Variants in ARHGAP45 observed in about 807,000 individuals in gnomAD.
The protein encoded by ARHGAP45 is rho GTPase-activating protein 45.
Under a neutral mutation model 116.1 loss-of-function variants are expected in ARHGAP45, and 56 were observed. The observed-to-expected ratio is 0.48, with a 90% CI of 0.39 to 0.60. The LOEUF (loss-of-function observed/expected upper bound fraction) is 0.60. Among genes scored for constraint, ARHGAP45 ranks in the 20% least tolerant of loss-of-function variants. The pLI, the probability that ARHGAP45 is intolerant of heterozygous loss-of-function variation, is 0.00. For missense variants in ARHGAP45, 1,622 were observed against 1,601.0 expected, an observed-to-expected ratio of 1.01 and a Z score of -0.22; for synonymous variants, 866 against 701.7, an observed-to-expected ratio of 1.23 and a Z score of -3.70.
intron 22 of ARHGAP45, among the ~76,000 whole-genome samples, chr19:1,085,247 T>C (rs569990058): frequency 6.6e-6 from 1 of 152,136 alleles, no homozygotes; most frequent in Admixed American, 6.5e-5. Context: ...GTCCGGAAAC[T>C]CCAGTTTTTA....
At chr19:1,082,595 C>G (rs1406412028) in intron 19 of ARHGAP45, 1 of 518,188 alleles carries the variant, frequency 1.9e-6, no homozygotes, top group Non-Finnish European at 3.4e-6. Flanking sequence ...CGTTAGGGTA[C>G]CTGCAGGGCG....
intron 17 of ARHGAP45, 21 bp from the exon 18 acceptor site, chr19:1,081,525 GCTCA>G: frequency 6.9e-7 from 1 of 1,449,334 alleles, no homozygotes. Flanking sequence ...CCGGGGCTGG[GCTCA>G]CTCACTCTGG....
chr19:1,084,223 G>A lies in ARHGAP45; in HGVS notation c.2956-15G>A, dbSNP rs201290619. The stretch of plus-strand genomic sequence containing the variant: ...GAGCCCCGGCCCCTCTATGACTTCC[G>A]TTCTGCACTTGCAGGACGAGTCATC... On this transcript the variant is annotated splice_polypyrimidine_tract_variant and intron_variant, in intron 21 of 22. Coordinates refer to ENST00000313093, the MANE Select transcript of ARHGAP45 (RefSeq NM_012292.5). The A allele has an allele frequency of 3.7e-6, 6 of 1,611,578 alleles. No homozygotes were observed. The highest frequency in any genetic ancestry group is 1.1e-5 in the South Asian group (1 of 91,036).
intron 1 of ARHGAP45, among the ~76,000 whole-genome samples, chr19:1,067,915 G>C (rs1189380060): frequency 6.8e-6 from 1 of 146,764 alleles, no homozygotes; most frequent in Admixed American, 6.8e-5. Context: ...CAGGTTCAGA[G>C]GTTGGGGAGT....
In ARHGAP45 at chr19:1,067,357, C is replaced by G; in HGVS notation, c.-49C>G. On this transcript the variant is annotated 5_prime_UTR_variant, in exon 1 of 23. Transcript: ENST00000313093. The stretch of plus-strand genomic sequence containing the variant: ...AAGCGGCCAGCGCCGGGAGCTGCAG[C>G]GCTGAGACCCCCAGCCCGCCCCCTC... 6.6e-7 allele frequency: 1 copy of G among 1,508,986 alleles called. No individual in the cohort carries two copies. Among genetic ancestry groups the G allele is most frequent in the South Asian group, 1.3e-5 (1 of 78,474 alleles). The allele number at this position is 1,508,986 out of a possible 1,614,324, so 93.5% of individuals were successfully genotyped here. A position where few individuals can be genotyped will look rare whatever the true frequency, so the allele number is the denominator to read the frequency against.
intron 11 of ARHGAP45, among the ~76,000 whole-genome samples, chr19:1,078,520 C>T (rs2043332704): frequency 6.6e-6 from 1 of 151,250 alleles, no homozygotes; most frequent in Non-Finnish European, 1.5e-5. Flanking sequence ...GCAACCTCCG[C>T]CTCCCAGGTT....
In ARHGAP45 at chr19:1,080,930, G is replaced by T; in HGVS notation, c.2056G>T (p.Val686Leu). Residue 686 changes from valine to leucine, a missense_variant, in exon 17 of 23, where the codon GTG (valine) becomes TTG (leucine). Val to Leu is a conservative substitution (Grantham distance 32). Transcript: ENST00000313093. Reference protein sequence around the residue: ...NGMTPELPVAVPSGPFRHEGL... With the variant: ...NGMTPELPVALPSGPFRHEGL... Reference sequence around the variant, plus strand: ...CATGACCCCCGAGCTGCCGGTGGCCGTGCCCAGTGGACCGTTCCGCCACGA... The same window carrying T: ...CATGACCCCCGAGCTGCCGGTGGCCTTGCCCAGTGGACCGTTCCGCCACGA... 6.2e-7 allele frequency: 1 copy of T among 1,609,194 alleles called. No individual in the cohort carries two copies.
chr19:1,080,536 G>A lies in ARHGAP45; in HGVS notation c.1901G>A (p.Gly634Asp), dbSNP rs2043402416. ...GACTCGGACAGTGGGCTGGACCCCGGCCCTGGCGCAGGTGAGGGAGGCTCT... is the reference window on the plus strand; with the variant it reads ...GACTCGGACAGTGGGCTGGACCCCGACCCTGGCGCAGGTGAGGGAGGCTCT... ...ISDSDSGLDPGPGAGDFKKFE... is the reference protein window; with the variant it reads ...ISDSDSGLDPDPGAGDFKKFE... Residue 634 changes from glycine to aspartate, a missense_variant, in exon 15 of 23, where the codon GGC becomes GAC. Gly to Asp is a moderately conservative substitution (Grantham distance 94). Around this residue, in one of 3 missense-constraint regions of ARHGAP45, gnomAD observed 1,334 missense variants for 1,263.8 expected, o/e 1.06. Coordinates refer to ENST00000313093, the MANE Select transcript of ARHGAP45 (RefSeq NM_012292.5). 1.9e-6 allele frequency: 3 copies of A among 1,612,786 alleles called. No homozygotes were observed. Among genetic ancestry groups the A allele is most frequent in the Admixed American group, 3.3e-5 (2 of 59,974 alleles).
chr19:1,073,383 T>C, intron 3 of ARHGAP45, 91 bp downstream of exon 3: 2 of 1,580,196 alleles, frequency 1.3e-6, no homozygotes, highest in Non-Finnish European at 1.7e-6. Context: ...GAAGGATGCA[T>C]AGGAGTTTGA....
At chr19:1,081,114 G>T in intron 17 of ARHGAP45, 50 bp downstream of exon 17, 1 of 1,550,386 alleles carries the variant, frequency 6.5e-7, no homozygotes, top group Non-Finnish European at 8.7e-7. Context: ...GAGCCTTTGG[G>T]GTGCCCAGCA....
In ARHGAP45 at chr19:1,068,253, G is replaced by A. The variant is rs927079189; in HGVS notation, c.91-161G>A. On this transcript the variant is annotated intron_variant, in intron 1 of 22. Transcript: ENST00000313093. The surrounding 1 kb of genome is among the most constrained non-coding windows in gnomAD (Gnocchi z 7.5). ...AAGAGGATGTTGGGTAACAGGTGGG[G>A]GGGTACACTACCAAATCTCGGCCCT... 1 of 604,024 alleles carries A rather than the reference G, an allele frequency of 1.7e-6. No homozygotes were observed. 37.4% of individuals were successfully genotyped at this position (604,024 alleles called of 1,614,324 possible). A position where few individuals can be genotyped will look rare whatever the true frequency, so the allele number is the denominator to read the frequency against.
In ARHGAP45 at chr19:1,079,772, G is replaced by C; in HGVS notation, c.1444G>C (p.Asp482His). The C allele has an allele frequency of 6.2e-7, 1 of 1,612,140 alleles. No individual in the cohort carries two copies. Among genetic ancestry groups the C allele is most frequent in the Non-Finnish European group, 8.5e-7 (1 of 1,179,294 alleles). Reference protein sequence around the residue: ...DAKTQKQELEDTKVTALRQIQ... With the variant: ...DAKTQKQELEHTKVTALRQIQ... ...GAAGACGCAGAAGCAGGAGCTGGAG[G>C]ATACCAAGGTGACGGCGCTGCGGCA... The change falls in exon 12 of 23, where the codon GAT becomes CAT. Residue 482 changes from aspartate to histidine, a missense_variant. By Grantham distance (81) the Asp-to-His change is moderately conservative. Transcript: ENST00000313093.
intron 11 of ARHGAP45, 100 bp from the exon 12 acceptor site, chr19:1,079,603 C>G: frequency 6.8e-7 from 1 of 1,468,038 alleles, no homozygotes; most frequent in Non-Finnish European, 9.2e-7. Flanking sequence ...CCTCCCGAGG[C>G]GCTGGGATGA....
chr19:1,073,391 T>G, intron 3 of ARHGAP45, 99 bp downstream of exon 3: 1 of 1,575,636 alleles, frequency 6.3e-7, no homozygotes, highest in Non-Finnish European at 8.7e-7. Flanking sequence ...CATAGGAGTT[T>G]GACAGGCACA....
rs1196694897 is a variant in ARHGAP45 at position 1,067,385 on chromosome 19, G to C, written c.-21G>C. Reference sequence around the variant, plus strand: ...TGAGACCCCCAGCCCGCCCCCTCGGGCTCCCGGCCGGGGCCCCATCATGTT... The same window carrying C: ...TGAGACCCCCAGCCCGCCCCCTCGGCCTCCCGGCCGGGGCCCCATCATGTT... On this transcript the variant is annotated 5_prime_UTR_variant, in exon 1 of 23. Coordinates refer to ENST00000313093, the MANE Select transcript of ARHGAP45 (RefSeq NM_012292.5). 7.8e-6 allele frequency: 12 copies of C among 1,545,906 alleles called. No individual in the cohort carries two copies. The highest frequency in any genetic ancestry group is 9.6e-6 in the Non-Finnish European group (11 of 1,149,422).
At chr19:1,083,593 G>T (rs1568484707) in intron 21 of ARHGAP45, among the ~76,000 whole-genome samples, 1 of 152,204 alleles carries the variant, frequency 6.6e-6, no homozygotes, top group African/African-American at 2.4e-5. Context: ...CTCCCTTGGG[G>T]CTGGCCTTGG....
chr19:1,080,012 C>T lies in ARHGAP45; in HGVS notation c.1597C>T (p.Leu533=). The T allele has an allele frequency of 6.2e-7, 1 of 1,612,986 alleles. No individual in the cohort carries two copies. Among genetic ancestry groups the T allele is most frequent in the Non-Finnish European group, 8.5e-7 (1 of 1,179,924 alleles). Residue 533 remains leucine (L), a synonymous_variant, in exon 13 of 23, where the codon CTG becomes TTG. Transcript: ENST00000313093. ...HFQMLCESSK[L]YDPGQQYASH... is the part of the protein sequence containing the mutation. The stretch of plus-strand genomic sequence containing the variant: ...CCAGATGCTGTGTGAGAGCAGCAAG[C>T]TGTATGACCCAGGCCAGCAGTACGC...
intron 2 of ARHGAP45, among the ~76,000 whole-genome samples, chr19:1,070,239 A>G (rs1056251917): frequency 6.6e-6 from 1 of 150,690 alleles, no homozygotes; most frequent in African/African-American, 2.4e-5. Flanking sequence ...CGTGATCCGC[A>G]TGCCTCAGCC....
upstream of ARHGAP45, chr19:1,065,971 G>A (rs984459762): frequency 7.9e-6 from 12 of 1,520,230 alleles, no homozygotes; most frequent in African/African-American, 1.4e-5. Context: ...GGCCGGGCCA[G>A]AAGCCCATCC....
Sources: allele counts gnomAD v4.1 joint callset (sites outside exome capture counted in the v4.1 genomes callset), GRCh38; gene constraint gnomAD v4.1.1; regional missense constraint gnomAD v4.1.1; non-coding constraint Gnocchi (gnomAD v3.1); transcripts MANE v1.5; gene names NCBI Gene and HGNC (gene_info 2026-07-23, HGNC 2026-07-21).